STX2: variants seen among roughly 807,000 people sequenced by gnomAD.
The protein encoded by STX2 is syntaxin-2.
STX2 carries 27 observed loss-of-function variants against 40.6 expected under a neutral mutation model. That is an observed-to-expected ratio of 0.66 (90% CI 0.49 to 0.92). STX2 has a LOEUF of 0.92. Among genes scored for constraint, STX2 ranks in the 40% least tolerant of loss-of-function variants. The probability of loss-of-function intolerance (pLI) is 0.00; values close to 1 mark genes in which losing one functional copy is unlikely to be tolerated. For missense variants in STX2, 328 were observed against 366.1 expected (o/e 0.90, Z 0.85); for synonymous variants, 123 against 119.1 (o/e 1.03, Z -0.22).
chr12:130,824,438 T>C (rs564098989), intron 2 of STX2, among the ~76,000 whole-genome samples: 88 of 152,226 alleles, frequency 5.8e-4, no homozygotes, highest in African/African-American at 1.9e-3. Flanking sequence ...TGTTAGAAAG[T>C]AAAAGAAAAA....
Position 130,833,698 on chromosome 12 carries a change from A to G in STX2, c.30+5372T>C, listed in dbSNP as rs374816270. Among the ~76,000 whole-genome samples, 10 of 152,014 alleles carry G rather than the reference A, an allele frequency of 6.6e-5. No homozygotes were observed. The East Asian group carries it at 1.9e-3, about 29-fold the overall frequency. On this transcript the variant is annotated intron_variant, in intron 1 of 10. Coordinates refer to ENST00000392373, the MANE Select transcript of STX2 (RefSeq NM_194356.4). Reference sequence around the variant, plus strand: ...AGTAGTGGGATTACAGGCGTGAGCCACCCCACCCAGCCCATTCTGCCTTTT... The same window carrying G: ...AGTAGTGGGATTACAGGCGTGAGCCGCCCCACCCAGCCCATTCTGCCTTTT...
intron 6 of STX2, among the ~76,000 whole-genome samples, chr12:130,805,075 C>T (rs1359226319): frequency 6.6e-6 from 1 of 152,174 alleles, no homozygotes; most frequent in Admixed American, 6.5e-5. Context: ...AGCATAAATC[C>T]TCACAGTGCA....
intron 1 of STX2, among the ~76,000 whole-genome samples, chr12:130,837,580 G>T (rs765456413): frequency 6.6e-6 from 1 of 152,106 alleles, no homozygotes; most frequent in Non-Finnish European, 1.5e-5. Context: ...CACTGCGACT[G>T]GCCTCCTGCT....
At chr12:130,817,101 A>T (rs1251341333) in intron 3 of STX2, among the ~76,000 whole-genome samples, 1 of 152,092 alleles carries the variant, frequency 6.6e-6, no homozygotes, top group African/African-American at 2.4e-5. Context: ...TAACCAGGCA[A>T]ACAAAGAAAA....
In STX2 at chr12:130,789,948, AGT is replaced by A. The variant is rs1292307419; in HGVS notation, c.*2073_*2074del. Reference sequence around the variant, plus strand: ...GAATAACTTGAAAAATACCATAATAAGTGTTGTAAAAGGGGAGGACTCATATG... The same window carrying A: ...GAATAACTTGAAAAATACCATAATAAGTTGTAAAAGGGGAGGACTCATATG... On this transcript the variant is annotated 3_prime_UTR_variant, in exon 11 of 11. Coordinates refer to ENST00000392373, the MANE Select transcript of STX2 (RefSeq NM_194356.4). 6.6e-6 allele frequency: 1 copy of A among 152,210 alleles called. No individual in the cohort carries two copies. Among genetic ancestry groups the A allele is most frequent in the Non-Finnish European group, 1.5e-5 (1 of 68,052 alleles). 9.4% of individuals were successfully genotyped at this position (152,210 alleles called of 1,614,324 possible). A position where few individuals can be genotyped will look rare whatever the true frequency, so the allele number is the denominator to read the frequency against.
intron 1 of STX2, 87 bp downstream of exon 1, chr12:130,838,983 G>GC: frequency 6.5e-5 from 71 of 1,091,994 alleles, no homozygotes; most frequent in Non-Finnish European, 8.0e-5. Flanking sequence ...CCCTCCCGGA[G>GC]CCCCGCCCAA....
At chr12:130,798,378 CAA>C (rs1399606399) in intron 9 of STX2, 145 bp downstream of exon 9, 5 of 506,782 alleles carry the variant, frequency 9.9e-6, no homozygotes, top group African/African-American at 8.0e-5. Context: ...AAATTTTTAG[CAA>C]AAAAAATTAT....
In STX2 at chr12:130,808,707, AG is replaced by A; in HGVS notation, c.281-4del. On this transcript the variant is annotated splice_region_variant and splice_polypyrimidine_tract_variant and intron_variant, in intron 4 of 10. Coordinates refer to ENST00000392373, the MANE Select transcript of STX2 (RefSeq NM_194356.4). ...CTGATCAAAACTTTGTTCAATAGCT[AG>A]GAACAAATAGGAAATAATTACCTTC... is the stretch of plus-strand genomic sequence containing the variant. 6.2e-7 allele frequency: 1 copy of A among 1,601,734 alleles called. No individual in the cohort carries two copies. Among genetic ancestry groups the A allele is most frequent in the African/African-American group, 1.3e-5 (1 of 74,492 alleles).
intron 1 of STX2, among the ~76,000 whole-genome samples, chr12:130,834,021 G>C (rs1295060767): frequency 1.3e-5 from 2 of 152,128 alleles, no homozygotes; most frequent in African/African-American, 4.8e-5. Flanking sequence ...AGACAAGATG[G>C]GCCATCTGTG....
rs145607383 is a variant in STX2, at chr12:130,819,902, G to A, written c.205+1787C>T. On this transcript the variant is annotated intron_variant, in intron 3 of 10. Coordinates refer to ENST00000392373, the MANE Select transcript of STX2 (RefSeq NM_194356.4). ...GGCTGCACGGACTAGCTCATGAGAC[G>A]GCGGCTCCAGAAACATTTTGGGAAA... Among the ~76,000 whole-genome samples the A allele has an allele frequency of 2.0e-3, 302 of 152,320 alleles. 1 individual carries two copies. Among genetic ancestry groups the A allele is most frequent in the African/African-American group, 3.9e-3 (164 of 41,566 alleles).
intron 9 of STX2, among the ~76,000 whole-genome samples, chr12:130,796,735 G>A (rs965921531): frequency 2.0e-4 from 30 of 152,130 alleles, no homozygotes; most frequent in African/African-American, 6.5e-4. Context: ...ACAGAGGTGC[G>A]GGCCTGCTAG....
chr12:130,812,071 C>A (rs1000209543), intron 4 of STX2: 14 of 248,178 alleles, frequency 5.6e-5, no homozygotes, highest in Non-Finnish European at 1.1e-4. Context: ...CTGGTTTCAC[C>A]AACCAAAGGA....
At position 130,805,162 on chromosome 12, in the gene STX2, T is replaced by C. The variant is rs190150441; in HGVS notation, c.463+1820A>G. On this transcript the variant is annotated intron_variant, in intron 6 of 10. Transcript: ENST00000392373. ...TGAAGTCAAAGTGGTTTGTAAAAAC[T>C]TTTTCATAGAAAAGCAGTCTAGTCG... Among the ~76,000 whole-genome samples the C allele has an allele frequency of 3.3e-5, 5 of 152,264 alleles. No individual in the cohort carries two copies. In the East Asian group the frequency reaches 9.6e-4, roughly 29 times the overall value.
At chr12:130,825,129 C>T (rs2136330145) in intron 2 of STX2, among the ~76,000 whole-genome samples, 1 of 152,134 alleles carries the variant, frequency 6.6e-6, no homozygotes, top group Non-Finnish European at 1.5e-5. Context: ...CTCCGCCTCC[C>T]AGGTTCCAGC....
chr12:130,838,430 C>T (rs552364369), intron 1 of STX2, among the ~76,000 whole-genome samples: 1 of 152,334 alleles, frequency 6.6e-6, no homozygotes, highest in East Asian at 1.9e-4. Flanking sequence ...AAGGTGCGTT[C>T]AGAGTCAACA....
chr12:130,817,868 C>T (rs541866051), intron 3 of STX2, among the ~76,000 whole-genome samples: 32 of 139,528 alleles, frequency 2.3e-4, no homozygotes, highest in African/African-American at 8.0e-4. Context: ...CAGATAATAG[C>T]GAATCTTCAC....
chr12:130,833,411 T>A (rs562764953), intron 1 of STX2, among the ~76,000 whole-genome samples: 87 of 22,784 alleles, frequency 3.8e-3, no homozygotes, highest in African/African-American at 5.5e-3. Context: ...TCACTCTACC[T>A]TTTTTTTTTT....
At chr12:130,828,391 C>CTTTTTTTT (rs35993256) in intron 1 of STX2, among the ~76,000 whole-genome samples, 38 of 106,532 alleles carry the variant, frequency 3.6e-4, no homozygotes, top group African/African-American at 5.2e-4. Context: ...CCACACCCGG[C>CTTTTTTTT]TTTTTTTTTT....
intron 10 of STX2, among the ~76,000 whole-genome samples, chr12:130,793,245 T>G (rs1475780494): frequency 2.0e-5 from 3 of 152,072 alleles, no homozygotes; most frequent in Non-Finnish European, 4.4e-5. Context: ...CAAACTCTGG[T>G]TCCCTGTTAA....
Sources: allele counts gnomAD v4.1 joint callset (sites outside exome capture counted in the v4.1 genomes callset), GRCh38; gene constraint gnomAD v4.1.1; transcripts MANE v1.5; gene names NCBI Gene and HGNC (gene_info 2026-07-23, HGNC 2026-07-21).